Variants in FSD1L observed in about 807,000 individuals in gnomAD.
FSD1L encodes the protein fibronectin type III and SPRY domain containing 1 like, also known as FSD1-like protein.
A neutral mutation model predicts 71.6 loss-of-function variants in FSD1L; 45 were observed. The observed-to-expected ratio is 0.63, with a 90% CI of 0.49 to 0.81. FSD1L has a LOEUF of 0.81. Among genes scored for constraint, FSD1L ranks in the 30% least tolerant of loss-of-function variants. The pLI is 0.00. For missense variants in FSD1L, 561 were observed against 618.1 expected, an observed-to-expected ratio of 0.91 and a Z score of 0.98; for synonymous variants, 197 against 207.2, an observed-to-expected ratio of 0.95 and a Z score of 0.42.
At chr9:105,527,630 C>T (rs1057504820) in intron 10 of FSD1L, among the ~76,000 whole-genome samples, 2 of 150,772 alleles carry the variant, frequency 1.3e-5, no homozygotes, top group African/African-American at 4.9e-5. Flanking sequence ...GTATCATTCA[C>T]GTAGTATCTA....
chr9:105,461,850 C>CA (rs993380803), intron 2 of FSD1L, among the ~76,000 whole-genome samples: 1 of 150,620 alleles, frequency 6.6e-6, no homozygotes, highest in African/African-American at 2.4e-5. Flanking sequence ...CTCGTCTCTA[C>CA]AAAAAATCAA....
rs1212337334 is a variant in FSD1L at position 105,471,922 on chromosome 9, A to G, written c.358A>G (p.Asn120Asp). ...QELQSQISQC[N>D]NALENSEELL... Reference sequence around the variant, plus strand: ...TCCCTAGAGTCAGATTAGTCAATGTAATAATGCCCTGGAGAACTCTGAAGA... The same window carrying G: ...TCCCTAGAGTCAGATTAGTCAATGTGATAATGCCCTGGAGAACTCTGAAGA... The change falls in exon 5 of 14, where the codon AAT (asparagine) becomes GAT (aspartate). Residue 120 changes from asparagine (N) to aspartate (D), a missense_variant. Asn to Asp is a conservative substitution (Grantham distance 23, BLOSUM62 1). This residue lies in a region of FSD1L where 410 missense variants were observed against 413.5 expected (regional missense o/e 0.99). Transcript: ENST00000481272. 2.4e-5 allele frequency: 33 copies of G among 1,348,484 alleles called. No homozygotes were observed. In the East Asian group the frequency reaches 9.9e-4, roughly 40 times the overall value. The allele number at this position is 1,348,484 out of a possible 1,614,324, so 83.5% of individuals were successfully genotyped here. A position where few individuals can be genotyped will look rare whatever the true frequency, so the allele number is the denominator to read the frequency against.
intron 10 of FSD1L, among the ~76,000 whole-genome samples, chr9:105,519,327 C>G (rs1834958641): frequency 1.3e-5 from 2 of 152,076 alleles, no homozygotes; most frequent in Admixed American, 1.3e-4. Flanking sequence ...ATCCTGATAC[C>G]AAAACCTGGC....
intron 7 of FSD1L, among the ~76,000 whole-genome samples, chr9:105,485,333 AAG>A (rs1216452916): frequency 1.3e-5 from 2 of 150,374 alleles, no homozygotes; most frequent in South Asian, 2.1e-4. Context: ...AAGGCAAAAC[AAG>A]AGAGTTAACC....
At chr9:105,501,072 A>G (rs541022511) in intron 7 of FSD1L, among the ~76,000 whole-genome samples, 1 of 152,340 alleles carries the variant, frequency 6.6e-6, no homozygotes, top group Non-Finnish European at 1.5e-5. Context: ...CTCAAACTTT[A>G]AAGTGCATGC....
chr9:105,494,003 A>G (rs1034333647), intron 7 of FSD1L, among the ~76,000 whole-genome samples: 2 of 152,170 alleles, frequency 1.3e-5, no homozygotes, highest in Non-Finnish European at 2.9e-5. Flanking sequence ...CTTGAGGAGT[A>G]TCTTTGTGTC....
intron 9 of FSD1L, among the ~76,000 whole-genome samples, chr9:105,510,300 G>A (rs764182883): frequency 4.2e-4 from 64 of 152,304 alleles, no homozygotes; most frequent in Non-Finnish European, 6.2e-4. Context: ...CAGTGATTCT[G>A]ACCTTCAGGG....
intron 1 of FSD1L, among the ~76,000 whole-genome samples, chr9:105,459,347 T>C (rs1376013535): frequency 1.3e-5 from 2 of 152,260 alleles, no homozygotes; most frequent in African/African-American, 2.4e-5. Flanking sequence ...TAGTGCTTTT[T>C]ATCTTTATGC....
Position 105,485,712 on chromosome 9 carries a change from C to T in FSD1L, c.586+1210C>T, listed in dbSNP as rs191661087. ...AGGCTGGACTGCAGTGGCACGATCT[C>T]GGCTCACTGCAAGCTCTGCCTCCTG... On this transcript the variant is annotated intron_variant, in intron 7 of 13. Transcript: ENST00000481272. 8.6e-3 allele frequency among the ~76,000 whole-genome samples: 1,294 copies of T among 151,188 alleles called. 14 individuals carry two copies. The highest frequency in any genetic ancestry group is 0.02 in the Middle Eastern group (6 of 294).
chr9:105,470,855 AAAAC>A (rs1484897568), intron 4 of FSD1L, among the ~76,000 whole-genome samples: 1 of 152,226 alleles, frequency 6.6e-6, no homozygotes, highest in Non-Finnish European at 1.5e-5. Flanking sequence ...ATTCATTTAA[AAAAC>A]AAAACACTGT....
intron 10 of FSD1L, chr9:105,530,620 T>C (rs928100813): frequency 1.5e-6 from 1 of 680,786 alleles, no homozygotes; most frequent in Non-Finnish European, 2.6e-6. Context: ...TTTCTATTTG[T>C]TGCCCTGAGT....
intron 7 of FSD1L, among the ~76,000 whole-genome samples, chr9:105,498,422 C>T (rs1833558748): frequency 6.6e-6 from 1 of 151,934 alleles, no homozygotes; most frequent in Admixed American, 6.6e-5. Flanking sequence ...TATTATATAG[C>T]AGATTGTTCC....
intron 13 of FSD1L, 78 bp from the exon 14 acceptor site, chr9:105,546,280 C>A: frequency 7.4e-7 from 1 of 1,357,704 alleles, no homozygotes; most frequent in Non-Finnish European, 9.9e-7. Context: ...TGGCATTTTG[C>A]CTTTGAAATG....
chr9:105,492,278 A>C (rs1419873319), intron 7 of FSD1L, among the ~76,000 whole-genome samples: 1 of 151,928 alleles, frequency 6.6e-6, no homozygotes, highest in Non-Finnish European at 1.5e-5. Flanking sequence ...TTTCCAGTTT[A>C]TTTGCGTAGA....
At chr9:105,455,106 T>A (rs1830282608) in intron 1 of FSD1L, among the ~76,000 whole-genome samples, 1 of 152,220 alleles carries the variant, frequency 6.6e-6, no homozygotes, top group South Asian at 2.1e-4. Flanking sequence ...TTTATCACTG[T>A]ATGGTAAACC....
chr9:105,551,451 G>A lies in FSD1L; in HGVS notation c.*4968G>A, dbSNP rs369383677. 9.2e-5 allele frequency: 14 copies of A among 152,180 alleles called. No homozygotes were observed. In the East Asian group the frequency reaches 2.5e-3, roughly 27 times the overall value. The allele number at this position is 152,180 out of a possible 1,614,324, so 9.4% of individuals were successfully genotyped here. A position where few individuals can be genotyped will look rare whatever the true frequency, so the allele number is the denominator to read the frequency against. On this transcript the variant is annotated 3_prime_UTR_variant, in exon 14 of 14. Transcript: ENST00000481272. ...GTTCAGCCTGCCTCACAGGGCTGTT[G>A]TGAGGAAATAAAATGAAATGGAGTA...
intron 7 of FSD1L, chr9:105,500,537 C>T (rs1404058220): frequency 6.6e-6 from 1 of 152,176 alleles, no homozygotes; most frequent in Non-Finnish European, 1.5e-5. Flanking sequence ...ACAGATTAGA[C>T]TATGATTAAA....
chr9:105,465,981 C>T (rs1249879064), intron 3 of FSD1L, among the ~76,000 whole-genome samples: 1 of 148,354 alleles, frequency 6.7e-6, no homozygotes, highest in Admixed American at 6.8e-5. Flanking sequence ...AAGCGATTCT[C>T]CTGCCTCAGT....
Position 105,521,116 on chromosome 9 carries a change from A to T in FSD1L, c.1025+8180A>T, listed in dbSNP as rs960274808. On this transcript the variant is annotated intron_variant, in intron 10 of 13. Coordinates refer to ENST00000481272, the MANE Select transcript of FSD1L (RefSeq NM_001145313.3). ...ATGATAAAGAAAGATGCTGAAACCA[A>T]TGAAGCAATCTATTGTACAAAGGAG... The T allele has an allele frequency of 9.3e-6, 15 of 1,613,638 alleles. No homozygotes were observed. In the African/African-American group the frequency reaches 1.7e-4, roughly 19 times the overall value.
Sources: gnomAD v4.1 joint callset for allele counts (sites outside exome capture counted in the v4.1 genomes callset) on GRCh38, gnomAD v4.1.1 for gene constraint, gnomAD v4.1.1 regional missense constraint, MANE v1.5 for transcripts, NCBI Gene and HGNC (gene_info 2026-07-23, HGNC 2026-07-21) for gene names.